Variants in IGF2BP2 observed in about 807,000 individuals in gnomAD.
The protein encoded by IGF2BP2 is insulin-like growth factor 2 mRNA-binding protein 2.
IGF2BP2 carries 17 observed loss-of-function variants against 75.8 expected under a neutral mutation model. The observed-to-expected ratio is 0.22, with a 90% CI of 0.15 to 0.34. The LOEUF is 0.34. Ranked by LOEUF, IGF2BP2 falls within the 10% of genes least tolerant of loss-of-function variation. The pLI is 1.00. For missense variants in IGF2BP2, 516 were observed against 772.4 expected (o/e 0.67, Z 3.93); for synonymous variants, 288 against 295.6 (o/e 0.97, Z 0.26).
intron 2 of IGF2BP2, among the ~76,000 whole-genome samples, chr3:185,803,484 T>A (rs1473181322): frequency 6.6e-6 from 1 of 152,256 alleles, no homozygotes; most frequent in Non-Finnish European, 1.5e-5. Context: ...AGTATTCTGA[T>A]CAAAGTTATT....
chr3:185,661,815 CAAG>C (rs1371219378), intron 10 of IGF2BP2, among the ~76,000 whole-genome samples: 9 of 151,938 alleles, frequency 5.9e-5, no homozygotes, highest in Non-Finnish European at 1.3e-4. Flanking sequence ...AAGAAATGAA[CAAG>C]AACAGGCAAG....
intron 2 of IGF2BP2, among the ~76,000 whole-genome samples, chr3:185,745,120 G>C (rs997490701): frequency 1.6e-4 from 24 of 152,170 alleles, no homozygotes; most frequent in African/African-American, 5.8e-4. Flanking sequence ...TCCACACGCT[G>C]CTTTGCACTT....
At chr3:185,758,888 G>A (rs1000745696) in intron 2 of IGF2BP2, among the ~76,000 whole-genome samples, 6 of 152,160 alleles carry the variant, frequency 3.9e-5, no homozygotes, top group African/African-American at 7.2e-5. Flanking sequence ...AGAGCTCCAC[G>A]GTAGGAGATT....
At chr3:185,676,897 A>C (rs971706932) in intron 7 of IGF2BP2, among the ~76,000 whole-genome samples, 6 of 143,538 alleles carry the variant, frequency 4.2e-5, no homozygotes, top group Non-Finnish European at 9.0e-5. Flanking sequence ...ATATATATTT[A>C]CTGGAGATAT....
chr3:185,691,661 G>A (rs922533553), intron 5 of IGF2BP2, among the ~76,000 whole-genome samples: 1 of 152,082 alleles, frequency 6.6e-6, no homozygotes, highest in Non-Finnish European at 1.5e-5. Flanking sequence ...TGCCCAGGCT[G>A]GTCTCAAACT....
chr3:185,675,127 G>C, intron 9 of IGF2BP2, 169 bp downstream of exon 9: 1 of 565,062 alleles, frequency 1.8e-6, no homozygotes, highest in Non-Finnish European at 3.0e-6. Flanking sequence ...ATGTTGTCCA[G>C]CGCACTTATC....
chr3:185,643,606 C>G lies in IGF2BP2; in HGVS notation c.*1925G>C, dbSNP rs1022704052. On this transcript the variant is annotated 3_prime_UTR_variant, in exon 16 of 16. Transcript: ENST00000382199. The stretch of plus-strand genomic sequence containing the variant: ...TCCCAAAGACTTTCCTGGGCAAAAC[C>G]AGCTTTCTCAGAGTAGCTGTGTGGA... The G allele has an allele frequency of 1.3e-5, 2 of 152,344 alleles. No individual in the cohort carries two copies. Among genetic ancestry groups the G allele is most frequent in the Non-Finnish European group, 2.9e-5 (2 of 68,062 alleles). 9.4% of individuals were successfully genotyped at this position (152,344 alleles called of 1,614,324 possible). A position where few individuals can be genotyped will look rare whatever the true frequency, so the allele number is the denominator to read the frequency against.
intron 10 of IGF2BP2, among the ~76,000 whole-genome samples, chr3:185,668,145 A>G (rs1193495404): frequency 1.3e-5 from 2 of 152,200 alleles, no homozygotes; most frequent in African/African-American, 4.8e-5. Flanking sequence ...CTATAATACA[A>G]AAAACTTGGA....
intron 2 of IGF2BP2, among the ~76,000 whole-genome samples, chr3:185,784,263 TAGATAGACAGAC>T (rs1553888816): frequency 2.1e-5 from 2 of 93,376 alleles, no homozygotes; most frequent in East Asian, 5.1e-4. Context: ...GATAGATAGA[TAGATAGACAGAC>T]AGACAGACAG....
intron 2 of IGF2BP2, among the ~76,000 whole-genome samples, chr3:185,732,106 A>G (rs199749131): frequency 8.5e-4 from 130 of 152,200 alleles, no homozygotes; most frequent in African/African-American, 3.0e-3. Flanking sequence ...CCTTCAAAAC[A>G]TATAGTGCCA....
At chr3:185,652,883 C>G (rs1714836065) in intron 12 of IGF2BP2, among the ~76,000 whole-genome samples, 1 of 152,146 alleles carries the variant, frequency 6.6e-6, no homozygotes, top group Non-Finnish European at 1.5e-5. Context: ...GCGATCTCAG[C>G]TCACTACAAC....
chr3:185,787,693 A>C (rs1313218890), intron 2 of IGF2BP2, among the ~76,000 whole-genome samples: 1 of 151,718 alleles, frequency 6.6e-6, no homozygotes, highest in Non-Finnish European at 1.5e-5. Context: ...AGATCACACC[A>C]CTGCACTCCC....
At position 185,701,380 on chromosome 3, in the gene IGF2BP2, A is replaced by AAAAAG. The variant is rs1553864391; in HGVS notation, c.240-3034_240-3033insCTTTT. Among the ~76,000 whole-genome samples, 9 of 150,780 alleles carry AAAAAG rather than the reference A, an allele frequency of 6.0e-5. No individual in the cohort carries two copies. In the South Asian group the frequency reaches 6.2e-4, roughly 10 times the overall value. ...GAACCTGCTAAGTAAAAAAAAAAAA[A>AAAAAG]AAAGAAAGAAAGAAAGAAAGAAGAA... On this transcript the variant is annotated intron_variant, in intron 2 of 15. Transcript: ENST00000382199.
chr3:185,778,884 A>T (rs976533857), intron 2 of IGF2BP2, among the ~76,000 whole-genome samples: 1 of 152,150 alleles, frequency 6.6e-6, no homozygotes, highest in African/African-American at 2.4e-5. Flanking sequence ...AACCTTACAT[A>T]ACAGTGTTCA....
rs539824175 is a variant in IGF2BP2, at chr3:185,718,160, A to G, written c.240-19813T>C. 3 of 152,342 alleles carry G rather than the reference A, an allele frequency of 2.0e-5. No individual in the cohort carries two copies. In the East Asian group the frequency reaches 5.8e-4, roughly 29 times the overall value. 9.4% of individuals were successfully genotyped at this position (152,342 alleles called of 1,614,324 possible). ...TGTTTCTGTAAATAAAGTTTTATCA[A>G]AACACCCAATTTGTTTCCCTATTGT... On this transcript the variant is annotated intron_variant, in intron 2 of 15. Coordinates refer to ENST00000382199, the MANE Select transcript of IGF2BP2 (RefSeq NM_006548.6).
At chr3:185,808,812 C>T (rs1167632721) in intron 2 of IGF2BP2, among the ~76,000 whole-genome samples, 1 of 152,070 alleles carries the variant, frequency 6.6e-6, no homozygotes, top group Non-Finnish European at 1.5e-5. Context: ...AAGCAATCCA[C>T]CTGCCTCAGC....
intron 2 of IGF2BP2, among the ~76,000 whole-genome samples, chr3:185,776,198 T>G (rs2149780739): frequency 6.6e-6 from 1 of 152,298 alleles, no homozygotes; most frequent in African/African-American, 2.4e-5. Context: ...TAAGCTACGA[T>G]CATGCCACTG....
At chr3:185,806,605 A>G (rs932483532) in intron 2 of IGF2BP2, among the ~76,000 whole-genome samples, 1 of 152,248 alleles carries the variant, frequency 6.6e-6, no homozygotes, top group African/African-American at 2.4e-5. Context: ...ACTATTATAC[A>G]CTATACTTGA....
In IGF2BP2 at chr3:185,800,379, G is replaced by A. The variant is rs534131701; in HGVS notation, c.239+22774C>T. 2.6e-5 allele frequency among the ~76,000 whole-genome samples: 4 copies of A among 152,144 alleles called. No individual in the cohort carries two copies. The East Asian group carries it at 7.7e-4, about 29-fold the overall frequency. On this transcript the variant is annotated intron_variant, in intron 2 of 15. Transcript: ENST00000382199. ...CAACATATGGCACATGTATACCCAT[G>A]TAACAAACCTGCACATTGTGCACAT...
Sources: gnomAD v4.1 joint callset for allele counts (sites outside exome capture counted in the v4.1 genomes callset) on GRCh38, gnomAD v4.1.1 for gene constraint, MANE v1.5 for transcripts, NCBI Gene and HGNC (gene_info 2026-07-23, HGNC 2026-07-21) for gene names.